WRN: variants seen among roughly 807,000 people sequenced by gnomAD.
WRN encodes the protein WRN RecQ like helicase, also known as bifunctional 3'-5' exonuclease/ATP-dependent helicase WRN.
WRN carries 149 observed loss-of-function variants against 180.7 expected under a neutral mutation model. The ratio of observed to expected loss-of-function variants is 0.82; its 90% CI spans 0.72 to 0.94. The LOEUF (loss-of-function observed/expected upper bound fraction) is 0.94. Ranked by LOEUF, WRN falls within the 40% of genes least tolerant of loss-of-function variation. WRN has a pLI of 0.00. For synonymous variants in WRN, 548 were observed against 568.9 expected (o/e 0.96, Z 0.52); for missense variants, 1,661 against 1,700.1 (o/e 0.98, Z 0.40).
At chr8:31,055,606 ATTGT>A (rs1812239944) in intron 1 of WRN, among the ~76,000 whole-genome samples, 1 of 148,934 alleles carries the variant, frequency 6.7e-6, no homozygotes, top group Non-Finnish European at 1.5e-5. Flanking sequence ...TTTTAATGGG[ATTGT>A]TTGTTTTTTT....
intron 13 of WRN, among the ~76,000 whole-genome samples, chr8:31,089,962 C>T (rs1031276710): frequency 6.6e-6 from 1 of 151,834 alleles, no homozygotes; most frequent in Non-Finnish European, 1.5e-5. Context: ...AAATTATTAA[C>T]GAGTTAAATA....
chr8:31,134,580 A>G (rs551452192), intron 24 of WRN, among the ~76,000 whole-genome samples: 19 of 152,340 alleles, frequency 1.2e-4, no homozygotes, highest in Middle Eastern at 3.4e-3. Flanking sequence ...AATATGTGAT[A>G]AGATATGCAA....
rs201586173 is a variant in WRN at position 31,090,919 on chromosome 8, G to C, written c.1806G>C (p.Met602Ile). ...TTATCTCTCCCCTTATTTCTCTGAT[G>C]GAAGACCAAGTGCTACAGCTTAAGT... ...GLVISPLISLMEDQVLQLKMS... is the reference protein window; with the variant it reads ...GLVISPLISLIEDQVLQLKMS... The change falls in exon 15 of 35, where the codon ATG (methionine) becomes ATC (isoleucine). Residue 602 changes from methionine (M) to isoleucine (I), a missense_variant. Met to Ile is a conservative substitution (Grantham distance 10). This residue lies in a region of WRN where 1,141 missense variants were observed against 1,149.4 expected (regional missense o/e 0.99). Transcript: ENST00000298139. 7.8e-5 allele frequency: 126 copies of C among 1,612,550 alleles called. No homozygotes were observed. The highest frequency in any genetic ancestry group is 1.0e-4 in the Non-Finnish European group (123 of 1,179,078).
intron 7 of WRN, among the ~76,000 whole-genome samples, chr8:31,069,037 T>A (rs887723404): frequency 6.6e-6 from 1 of 152,240 alleles, no homozygotes; most frequent in Non-Finnish European, 1.5e-5. Flanking sequence ...AATGTCCGTT[T>A]TACCGTTTTA....
At chr8:31,052,427 G>A (rs760936115) in intron 1 of WRN, among the ~76,000 whole-genome samples, 1 of 151,748 alleles carries the variant, frequency 6.6e-6, no homozygotes, top group Non-Finnish European at 1.5e-5. Flanking sequence ...TTGCTCTGTT[G>A]CCCAGGGTGG....
rs11574374 is a variant in WRN, at chr8:31,154,218, C to T, written c.3688-406C>T. ...GAGAGTGTTATGATATATTTCCTTA[C>T]GATATATTAGTGGTTATAGTACCTA... On this transcript the variant is annotated intron_variant, in intron 31 of 34. Coordinates refer to ENST00000298139, the MANE Select transcript of WRN (RefSeq NM_000553.6). 1.2e-3 allele frequency among the ~76,000 whole-genome samples: 177 copies of T among 151,886 alleles called. 2 individuals carry two copies. The highest frequency in any genetic ancestry group is 3.9e-4 in the East Asian group (2 of 5,168).
chr8:31,062,348 T>C (rs73579581), intron 3 of WRN, among the ~76,000 whole-genome samples: 2,772 of 152,006 alleles, frequency 0.018, 67 homozygotes, highest in African/African-American at 0.064. Context: ...TCAACAACAA[T>C]AGATAACAAT....
chr8:31,062,666 G>A (rs1258694504), intron 3 of WRN, among the ~76,000 whole-genome samples: 1 of 151,842 alleles, frequency 6.6e-6, no homozygotes, highest in Non-Finnish European at 1.5e-5. Context: ...GCCTGCCTTG[G>A]CCCCCCAAAG....
At chr8:31,129,444 G>A (rs1445959143) in intron 23 of WRN, among the ~76,000 whole-genome samples, 2 of 152,246 alleles carry the variant, frequency 1.3e-5, no homozygotes, top group South Asian at 4.1e-4. Context: ...TTCTGACCCT[G>A]TACTAGACTA....
At position 31,111,786 on chromosome 8, in the gene WRN, C is replaced by T. The variant is rs2130284783; in HGVS notation, c.2260C>T (p.Leu754Phe). 6.2e-7 allele frequency: 1 copy of T among 1,612,422 alleles called. No homozygotes were observed. The highest frequency in any genetic ancestry group is 8.5e-7 in the Non-Finnish European group (1 of 1,179,632). ...GNILQDLQPF[L>F]VKTSSHWEFE... ...TATCCTTCAGGATCTGCAGCCATTTCTTGTCAAAACAAGGTAAGGATTTAA... is the reference window on the plus strand; with the variant it reads ...TATCCTTCAGGATCTGCAGCCATTTTTTGTCAAAACAAGGTAAGGATTTAA... Residue 754 changes from leucine to phenylalanine, a missense_variant, in exon 19 of 35, where the codon CTT becomes TTT. Transcript: ENST00000298139.
chr8:31,124,398 T>G, intron 21 of WRN, 124 bp from the exon 22 acceptor site: 2 of 727,806 alleles, frequency 2.7e-6, no homozygotes, highest in South Asian at 3.7e-5. Flanking sequence ...GAAATGTTTT[T>G]TTATCTTGAT....
chr8:31,164,808 G>C (rs1002061451), intron 33 of WRN, among the ~76,000 whole-genome samples: 1 of 152,106 alleles, frequency 6.6e-6, no homozygotes, highest in Non-Finnish European at 1.5e-5. Flanking sequence ...AACACTGAAG[G>C]CGTGTAGCCA....
At chr8:31,154,531 T>G in intron 31 of WRN, 93 bp from the exon 32 acceptor site, 1 of 1,427,908 alleles carries the variant, frequency 7.0e-7, no homozygotes, top group East Asian at 2.5e-5. Flanking sequence ...GTTTAACTTG[T>G]GTTATTTTTT....
intron 7 of WRN, 82 bp from the exon 8 acceptor site, chr8:31,076,091 C>A (rs1405377347): frequency 3.5e-6 from 4 of 1,127,672 alleles, no homozygotes; most frequent in South Asian, 1.3e-5. Context: ...AAATTTGATC[C>A]CTAATATTAT....
chr8:31,056,203 TA>T (rs1812265898), intron 1 of WRN, among the ~76,000 whole-genome samples: 3 of 152,232 alleles, frequency 2.0e-5, no homozygotes, highest in Admixed American at 2.0e-4. Flanking sequence ...GGTGTTTTTA[TA>T]AAGTTTGTGT....
intron 24 of WRN, among the ~76,000 whole-genome samples, chr8:31,141,049 T>A (rs947358723): frequency 6.6e-6 from 1 of 152,132 alleles, no homozygotes; most frequent in African/African-American, 2.4e-5. Flanking sequence ...CGCATTGCGT[T>A]TTATATAATT....
chr8:31,065,878 CTTTT>C (rs1201740447), intron 5 of WRN, among the ~76,000 whole-genome samples: 1 of 130,654 alleles, frequency 7.7e-6, no homozygotes. Flanking sequence ...AGTTTCTTTT[CTTTT>C]TTTTTTTTTT....
chr8:31,097,998 A>G (rs1009410559), intron 17 of WRN, among the ~76,000 whole-genome samples: 2 of 152,210 alleles, frequency 1.3e-5, no homozygotes, highest in Admixed American at 6.5e-5. Flanking sequence ...ACTTTCATAT[A>G]ACTGTAGGAA....
chr8:31,149,543 C>T (rs1471314681), intron 30 of WRN, among the ~76,000 whole-genome samples: 1 of 110,922 alleles, frequency 9.0e-6, no homozygotes, highest in Non-Finnish European at 1.7e-5. Context: ...GGCGCGATCT[C>T]GGCTCACTGC....
Sources: allele counts gnomAD v4.1 joint callset (sites outside exome capture counted in the v4.1 genomes callset), GRCh38; gene constraint gnomAD v4.1.1; regional missense constraint gnomAD v4.1.1; transcripts MANE v1.5; gene names NCBI Gene and HGNC (gene_info 2026-07-23, HGNC 2026-07-21).